The following RIMS2 variants were observed in gnomAD, a reference collection of about 807,000 sequenced individuals.
RIMS2 encodes the protein regulating synaptic membrane exocytosis protein 2.
Under a neutral mutation model 174.4 loss-of-function variants are expected in RIMS2, and 59 were observed. That is an observed-to-expected ratio of 0.34 (90% CI 0.27 to 0.42). RIMS2 has a LOEUF of 0.42. Among genes scored for constraint, RIMS2 ranks in the 10% least tolerant of loss-of-function variants. The pLI is 1.00. For missense variants in RIMS2, 1,620 were observed against 1,666.3 expected (o/e 0.97, Z 0.48); for synonymous variants, 606 against 572.5 (o/e 1.06, Z -0.84).
intron 19 of RIMS2, among the ~76,000 whole-genome samples, chr8:104,139,877 A>G (rs1455430734): frequency 6.6e-6 from 1 of 152,184 alleles, no homozygotes; most frequent in Non-Finnish European, 1.5e-5. Context: ...TTCCCCATTC[A>G]GTATGATACT....
chr8:104,144,431 C>A (rs1168781030), intron 19 of RIMS2, among the ~76,000 whole-genome samples: 1 of 152,058 alleles, frequency 6.6e-6, no homozygotes, highest in African/African-American at 2.4e-5. Context: ...TAACCCATGA[C>A]AAGAACTAAT....
At position 103,551,052 on chromosome 8, in the gene RIMS2, T is replaced by C. The variant is rs10087998; in HGVS notation, c.176+49990T>C. Among the ~76,000 whole-genome samples, 266 of 152,284 alleles carry C rather than the reference T, an allele frequency of 1.7e-3. 1 individual carries two copies. Among genetic ancestry groups the C allele is most frequent in the African/African-American group, 5.1e-3 (214 of 41,564 alleles). On this transcript the variant is annotated intron_variant, in intron 1 of 23. Transcript: ENST00000504942. ...GAGCTGGTACCATTTCTTCTGAAACTATTCCAATCAATAGAAGAAGAGGGA... is the reference window on the plus strand; with the variant it reads ...GAGCTGGTACCATTTCTTCTGAAACCATTCCAATCAATAGAAGAAGAGGGA...
chr8:103,574,347 C>A (rs1310857241), intron 1 of RIMS2, among the ~76,000 whole-genome samples: 1 of 152,172 alleles, frequency 6.6e-6, no homozygotes, highest in Non-Finnish European at 1.5e-5. Flanking sequence ...TCAGACAATA[C>A]TCTCCAACAC....
At chr8:103,903,647 T>C (rs1472973486) in intron 4 of RIMS2, among the ~76,000 whole-genome samples, 1 of 152,184 alleles carries the variant, frequency 6.6e-6, no homozygotes, top group Non-Finnish European at 1.5e-5. Context: ...TATTTAAGTA[T>C]GTTTAACTTG....
At chr8:104,015,412 T>C (rs1479457194) in intron 19 of RIMS2, 3 of 691,734 alleles carry the variant, frequency 4.3e-6, no homozygotes, top group South Asian at 1.5e-5. Flanking sequence ...GTTTTTATTT[T>C]GTTTTCCCTA....
At chr8:104,223,389 A>C in intron 19 of RIMS2, 1 of 1,248,994 alleles carries the variant, frequency 8.0e-7, no homozygotes. Flanking sequence ...GAGACCTCGG[A>C]CGTTCACTGC....
chr8:104,003,639 C>G (rs910011684), intron 17 of RIMS2, among the ~76,000 whole-genome samples: 1 of 152,118 alleles, frequency 6.6e-6, no homozygotes, highest in Non-Finnish European at 1.5e-5. Context: ...GTCTCGAACT[C>G]CTGACCTCAG....
rs180812778 is a variant in RIMS2 at position 103,929,255 on chromosome 8, T to G, written c.2244+1366T>G. The stretch of plus-strand genomic sequence containing the variant: ...TGATAATATTAGTAACTGATAATAT[T>G]CAGGTTTTCCATGGCATAAGGAAAT... On this transcript the variant is annotated intron_variant, in intron 11 of 23. Transcript: ENST00000504942. Among the ~76,000 whole-genome samples, 256 of 151,888 alleles carry G rather than the reference T, an allele frequency of 1.7e-3. 2 individuals are homozygous for G. The highest frequency in any genetic ancestry group is 5.6e-3 in the African/African-American group (233 of 41,556).
intron 19 of RIMS2, among the ~76,000 whole-genome samples, chr8:104,171,482 G>A (rs1159970789): frequency 7.2e-6 from 1 of 139,036 alleles, no homozygotes; most frequent in Admixed American, 7.6e-5. Context: ...ATATCCAGAA[G>A]TTCTGATTGA....
chr8:103,617,812 T>C (rs2095541229), intron 1 of RIMS2, among the ~76,000 whole-genome samples: 1 of 152,160 alleles, frequency 6.6e-6, no homozygotes, highest in South Asian at 2.1e-4. Context: ...ACATACCACC[T>C]CACACCAGTC....
chr8:103,601,826 T>C (rs1196304390), intron 1 of RIMS2, among the ~76,000 whole-genome samples: 2 of 152,146 alleles, frequency 1.3e-5, no homozygotes, highest in African/African-American at 4.8e-5. Flanking sequence ...TTTTTTCAAT[T>C]TGAGGTTACT....
chr8:104,186,573 A>G (rs189783004), intron 19 of RIMS2, among the ~76,000 whole-genome samples: 41 of 151,854 alleles, frequency 2.7e-4, no homozygotes, highest in Non-Finnish European at 4.9e-4. Context: ...CCCTTTGTCT[A>G]TAGGTCTGAC....
At chr8:104,021,745 A>G (rs1164399951) in intron 19 of RIMS2, among the ~76,000 whole-genome samples, 2 of 152,192 alleles carry the variant, frequency 1.3e-5, no homozygotes, top group Admixed American at 6.5e-5. Flanking sequence ...TGCAATTACC[A>G]TGACAGATTC....
At chr8:103,561,961 T>C (rs2091660453) in intron 1 of RIMS2, among the ~76,000 whole-genome samples, 1 of 152,180 alleles carries the variant, frequency 6.6e-6, no homozygotes, top group African/African-American at 2.4e-5. Context: ...GGAAACTTGC[T>C]CTTATAAAAT....
intron 1 of RIMS2, among the ~76,000 whole-genome samples, chr8:103,577,762 T>G (rs2093351468): frequency 6.6e-6 from 1 of 152,178 alleles, no homozygotes; most frequent in Non-Finnish European, 1.5e-5. Context: ...ATTAAAATAA[T>G]TTTTAAAAGC....
At chr8:103,584,991 A>G (rs1185880897) in intron 1 of RIMS2, among the ~76,000 whole-genome samples, 1 of 152,218 alleles carries the variant, frequency 6.6e-6, no homozygotes, top group African/African-American at 2.4e-5. Flanking sequence ...AAAGAAACAC[A>G]CTTTACTTAT....
chr8:103,548,212 C>CA (rs1035644276), intron 1 of RIMS2, among the ~76,000 whole-genome samples: 11 of 151,964 alleles, frequency 7.2e-5, no homozygotes, highest in Non-Finnish European at 1.5e-4. Context: ...ACAACAACAG[C>CA]AAAAAAACTT....
At chr8:103,892,080 A>G (rs2099249524) in intron 4 of RIMS2, among the ~76,000 whole-genome samples, 1 of 152,082 alleles carries the variant, frequency 6.6e-6, no homozygotes, top group African/African-American at 2.4e-5. Flanking sequence ...GTGTGAGGAA[A>G]ATATTAATTT....
chr8:103,732,435 A>T (rs1249009801), intron 2 of RIMS2, among the ~76,000 whole-genome samples: 1 of 152,148 alleles, frequency 6.6e-6, no homozygotes, highest in African/African-American at 2.4e-5. Flanking sequence ...GCCCGCAGTG[A>T]CCACTGGTGA....
Sources: allele counts gnomAD v4.1 joint callset (sites outside exome capture counted in the v4.1 genomes callset), GRCh38; gene constraint gnomAD v4.1.1; transcripts MANE v1.5; gene names NCBI Gene and HGNC (gene_info 2026-07-23, HGNC 2026-07-21).